CRCP: variants seen among roughly 807,000 people sequenced by gnomAD.
The protein encoded by CRCP is CGRP receptor component.
CRCP carries 18 observed loss-of-function variants against 18.5 expected under a neutral mutation model. The observed-to-expected ratio is 0.97, with a 90% CI of 0.67 to 1.44. The LOEUF is 1.44. CRCP is among the 40% of genes most tolerant of loss of function. The probability of loss-of-function intolerance (pLI) is 0.00; values close to 1 mark genes in which losing one functional copy is unlikely to be tolerated. For missense variants in CRCP, 130 were observed against 176.4 expected, an observed-to-expected ratio of 0.74 and a Z score of 1.49; for synonymous variants, 53 against 62.9, an observed-to-expected ratio of 0.84 and a Z score of 0.75.
chr7:66,145,471 C>T lies in CRCP; in HGVS notation c.268C>T (p.Arg90Trp), dbSNP rs1016249490. ...TGAGAAGCTCCAGCTGCTGAACCAC[C>T]GGCCTGTGACTGCTGTGGAGATCCA... ...KAEKLQLLNH[R>W]PVTAVEIQLM... Residue 90 changes from arginine (R) to tryptophan (W), a missense_variant, in exon 5 of 6, where the codon CGG becomes TGG. By Grantham distance (101) the Arg-to-Trp change is moderately radical. Transcript: ENST00000395326. 26 of 1,613,846 alleles carry T rather than the reference C, an allele frequency of 1.6e-5. No homozygotes were observed. The highest frequency in any genetic ancestry group is 1.8e-5 in the Non-Finnish European group (21 of 1,179,918).
intron 5 of CRCP, among the ~76,000 whole-genome samples, chr7:66,151,627 A>G (rs1036534032): frequency 4.7e-5 from 7 of 148,148 alleles, no homozygotes; most frequent in Non-Finnish European, 8.9e-5. Flanking sequence ...ATAAAGTGCC[A>G]TTTAACTTCT....
At chr7:66,136,179 G>A (rs1468523591) in intron 4 of CRCP, among the ~76,000 whole-genome samples, 2 of 151,608 alleles carry the variant, frequency 1.3e-5, no homozygotes, top group Non-Finnish European at 2.9e-5. Flanking sequence ...AATTGAAAAC[G>A]TCATACATCA....
At chr7:66,146,146 T>A (rs1284426805) in intron 5 of CRCP, among the ~76,000 whole-genome samples, 1 of 152,180 alleles carries the variant, frequency 6.6e-6, no homozygotes, top group East Asian at 1.9e-4. Context: ...CAAGTCCATC[T>A]CCCACATCAC....
intron 4 of CRCP, among the ~76,000 whole-genome samples, chr7:66,141,984 G>A (rs1250365674): frequency 2.0e-5 from 3 of 152,120 alleles, no homozygotes; most frequent in African/African-American, 4.8e-5. Flanking sequence ...GTTTGACCTC[G>A]AGTTGGAGTT....
At chr7:66,142,989 GT>G (rs1788184016) in intron 4 of CRCP, among the ~76,000 whole-genome samples, 1 of 152,114 alleles carries the variant, frequency 6.6e-6, no homozygotes, top group African/African-American at 2.4e-5. Context: ...CCTCTTCAGA[GT>G]TATAAAGGTA....
chr7:66,137,476 A>G (rs911805672), intron 4 of CRCP, among the ~76,000 whole-genome samples: 1 of 152,194 alleles, frequency 6.6e-6, no homozygotes, highest in East Asian at 1.9e-4. Context: ...TGGGGCCTCC[A>G]GGATGATGTT....
intron 1 of CRCP, among the ~76,000 whole-genome samples, chr7:66,119,420 G>A (rs1360936440): frequency 6.6e-6 from 1 of 152,158 alleles, no homozygotes; most frequent in Non-Finnish European, 1.5e-5. Context: ...AATTAATGAA[G>A]CCTAAAGAGG....
intron 4 of CRCP, among the ~76,000 whole-genome samples, chr7:66,138,989 C>T (rs370456243): frequency 4.6e-5 from 7 of 152,058 alleles, no homozygotes; most frequent in Non-Finnish European, 1.0e-4. Context: ...ATCCCAATCT[C>T]TTTCTCCTCC....
chr7:66,129,135 C>T (rs1394011135), intron 2 of CRCP, among the ~76,000 whole-genome samples: 1 of 152,068 alleles, frequency 6.6e-6, no homozygotes, highest in African/African-American at 2.4e-5. Context: ...AGATCAAGAA[C>T]ATCCTGGCTA....
In CRCP at chr7:66,147,263, C is replaced by T. The variant is rs548997837; in HGVS notation, c.297+1763C>T. ...AGGCTGAGGCAGAATCACTTGAACC[C>T]GGGAGGCCAAGGTTGCAGTGAGCCA... On this transcript the variant is annotated intron_variant, in intron 5 of 5. Transcript: ENST00000395326. Among the ~76,000 whole-genome samples the T allele has an allele frequency of 2.2e-3, 327 of 151,564 alleles. 2 individuals are homozygous for T. Among genetic ancestry groups the T allele is most frequent in the African/African-American group, 7.7e-3 (318 of 41,290 alleles).
chr7:66,125,802 C>T (rs890875411), intron 1 of CRCP, among the ~76,000 whole-genome samples: 1 of 148,710 alleles, frequency 6.7e-6, no homozygotes, highest in Non-Finnish European at 1.5e-5. Flanking sequence ...ATCCATTGGC[C>T]CTGAAGAGAA....
intron 5 of CRCP, among the ~76,000 whole-genome samples, chr7:66,151,673 CTGTGTGTG>C (rs1223890806): frequency 0.023 from 3,119 of 138,542 alleles, 82 homozygotes; most frequent in African/African-American, 0.063. Context: ...CCACTTCTCT[CTGTGTGTG>C]TGTGTGTGTG....
chr7:66,145,515 C>T lies in CRCP; in HGVS notation c.297+15C>T, dbSNP rs756726637. On this transcript the variant is annotated intron_variant, in intron 5 of 5. Coordinates refer to ENST00000395326, the MANE Select transcript of CRCP (RefSeq NM_014478.5). ...AGATCCAGCTGGTGAGTGAAGGGCG[C>T]CTGTGCTGGGGAGGCTGCTGTGGGT... 1 of 1,613,598 alleles carries T rather than the reference C, an allele frequency of 6.2e-7. No homozygotes were observed. The highest frequency in any genetic ancestry group is 1.3e-5 in the African/African-American group (1 of 74,882).
intron 1 of CRCP, among the ~76,000 whole-genome samples, chr7:66,125,359 A>G (rs937314667): frequency 6.7e-6 from 1 of 149,578 alleles, no homozygotes; most frequent in Non-Finnish European, 1.5e-5. Context: ...TTAGGACTTC[A>G]TAAAAGGTAG....
chr7:66,149,270 C>T (rs316316), intron 5 of CRCP, among the ~76,000 whole-genome samples: 116,746 of 152,130 alleles, frequency 0.77, 45,007 homozygotes, highest in African/African-American at 0.82. Flanking sequence ...ATGTCTATAA[C>T]CCCAGCACTT....
At chr7:66,145,621 G>T in intron 5 of CRCP, 121 bp downstream of exon 5, 1 of 1,028,380 alleles carries the variant, frequency 9.7e-7, no homozygotes, top group Non-Finnish European at 1.5e-6. Context: ...CATTTCTTAA[G>T]GAAAAAGAGA....
chr7:66,145,303 G>A (rs564338932), intron 4 of CRCP, 140 bp from the exon 5 acceptor site: 7 of 794,368 alleles, frequency 8.8e-6, no homozygotes, highest in East Asian at 5.1e-5. Flanking sequence ...CCATTCTCTC[G>A]ATTTACAGTT....
intron 4 of CRCP, among the ~76,000 whole-genome samples, chr7:66,135,546 G>A (rs537372394): frequency 6.6e-6 from 1 of 151,702 alleles, no homozygotes; most frequent in East Asian, 1.9e-4. Context: ...TATACTTTAA[G>A]TTCTAGGGTA....
intron 4 of CRCP, among the ~76,000 whole-genome samples, chr7:66,136,609 C>T (rs1174195185): frequency 6.6e-6 from 1 of 151,700 alleles, no homozygotes; most frequent in Non-Finnish European, 1.5e-5. Context: ...GGTGATCCTC[C>T]TGCTTTGGCT....
Sources: gnomAD v4.1 joint callset for allele counts (sites outside exome capture counted in the v4.1 genomes callset) on GRCh38, gnomAD v4.1.1 for gene constraint, MANE v1.5 for transcripts, NCBI Gene and HGNC (gene_info 2026-07-23, HGNC 2026-07-21) for gene names.